SCN11A: variants seen among roughly 807,000 people sequenced by gnomAD.
The protein encoded by SCN11A is sodium channel protein type 11 subunit alpha.
Under a neutral mutation model 162.2 loss-of-function variants are expected in SCN11A, and 122 were observed. That is an observed-to-expected ratio of 0.75 (90% confidence interval 0.65 to 0.87). SCN11A has a LOEUF of 0.87. Ranked by LOEUF, SCN11A falls within the 40% of genes least tolerant of loss-of-function variation. The pLI, the probability that SCN11A is intolerant of heterozygous loss-of-function variation, is 0.00. For missense variants in SCN11A, 2,015 were observed against 2,181.6 expected (o/e 0.92, Z 1.52); for synonymous variants, 758 against 751.5 (o/e 1.01, Z -0.14).
At chr3:39,026,827 C>A (rs2031600838) in intron 2 of SCN11A, among the ~76,000 whole-genome samples, 1 of 152,070 alleles carries the variant, frequency 6.6e-6, no homozygotes, top group African/African-American at 2.4e-5. Flanking sequence ...TGGTCAGATA[C>A]CAAGGGTGGG....
At chr3:38,974,702 A>G (rs2066837800) in intron 2 of SCN11A, among the ~76,000 whole-genome samples, 1 of 149,890 alleles carries the variant, frequency 6.7e-6, no homozygotes, top group South Asian at 2.1e-4. Context: ...CTCAAAAAAA[A>G]AAAAAAAAAA....
chr3:38,937,677 C>T (rs1406247735), intron 7 of SCN11A, among the ~76,000 whole-genome samples: 1 of 152,022 alleles, frequency 6.6e-6, no homozygotes, highest in Non-Finnish European at 1.5e-5. Context: ...AATGAGATAC[C>T]ATCTCACACC....
At chr3:38,896,809 T>C in intron 18 of SCN11A, 36 bp downstream of exon 18, 1 of 881,834 alleles carries the variant, frequency 1.1e-6, no homozygotes, top group Non-Finnish European at 1.4e-6. Context: ...ATGTAGGATC[T>C]TTTTTTTTTT....
rs1028466347 is a variant in SCN11A at position 39,007,762 on chromosome 3, AAAC to A, written c.-280+24615_-280+24617del. Reference sequence around the variant, plus strand: ...GCCATTAGTTTGTATTCTTTATAATAAACAAGTAAGTGTAGGTAAAGTGTTTTC... The same window carrying A: ...GCCATTAGTTTGTATTCTTTATAATAAAGTAAGTGTAGGTAAAGTGTTTTC... On this transcript the variant is annotated intron_variant, in intron 2 of 29. Transcript: ENST00000302328. Among the ~76,000 whole-genome samples the A allele has an allele frequency of 3.7e-4, 57 of 152,344 alleles. 1 individual carries two copies. The highest frequency in any genetic ancestry group is 1.3e-3 in the African/African-American group (56 of 41,568).
chr3:38,867,562 A>G, intron 26 of SCN11A, 104 bp from the exon 27 acceptor site: 1 of 800,710 alleles, frequency 1.2e-6, no homozygotes, highest in Non-Finnish European at 2.0e-6. Flanking sequence ...TAGCAGCAAC[A>G]TTGACTACAT....
intron 2 of SCN11A, among the ~76,000 whole-genome samples, chr3:39,016,652 G>C (rs916211621): frequency 2.0e-5 from 3 of 151,966 alleles, no homozygotes; most frequent in Non-Finnish European, 2.9e-5. Flanking sequence ...CGCCAGGCTG[G>C]AGTGCAGTGG....
intron 1 of SCN11A, among the ~76,000 whole-genome samples, chr3:39,038,943 T>C (rs1285983545): frequency 1.3e-5 from 2 of 152,234 alleles, no homozygotes; most frequent in Admixed American, 6.5e-5. Flanking sequence ...AGCGATTCCA[T>C]GTTCCTTTTA....
At chr3:38,860,199 C>T (rs1346843537) in intron 28 of SCN11A, among the ~76,000 whole-genome samples, 1 of 152,126 alleles carries the variant, frequency 6.6e-6, no homozygotes, top group East Asian at 1.9e-4. Flanking sequence ...CCTCTGATCC[C>T]TGAATGCTCG....
chr3:39,032,526 A>C (rs944078770), intron 1 of SCN11A, among the ~76,000 whole-genome samples, 23 bp from the exon 2 acceptor site: 14 of 152,124 alleles, frequency 9.2e-5, no homozygotes, highest in Admixed American at 1.3e-4. Context: ...ACAACAACAA[A>C]AAAAACAAGC....
intron 2 of SCN11A, among the ~76,000 whole-genome samples, chr3:39,027,715 G>T (rs1175613201): frequency 6.6e-6 from 1 of 152,208 alleles, no homozygotes; most frequent in African/African-American, 2.4e-5. Flanking sequence ...TTGAAGCAAG[G>T]ATTTGAGAAG....
intron 2 of SCN11A, among the ~76,000 whole-genome samples, chr3:39,012,164 A>G (rs1010958431): frequency 2.6e-5 from 4 of 152,006 alleles, no homozygotes; most frequent in African/African-American, 9.7e-5. Context: ...CTTCTCTACT[A>G]AAAATACAAA....
chr3:38,955,371 C>T (rs2066668934), intron 3 of SCN11A, among the ~76,000 whole-genome samples: 1 of 152,166 alleles, frequency 6.6e-6, no homozygotes, highest in Admixed American at 6.5e-5. Context: ...TCAAATAAAT[C>T]TGACAAAATA....
intron 7 of SCN11A, among the ~76,000 whole-genome samples, chr3:38,929,247 T>C (rs1007063080): frequency 1.8e-4 from 28 of 151,714 alleles, no homozygotes; most frequent in Non-Finnish European, 3.5e-4. Context: ...ATACATGTGA[T>C]GGAATATTAA....
Position 38,885,402 on chromosome 3 carries a change from T to G in SCN11A, c.2950A>C (p.Lys984Gln). 5 of 1,563,332 alleles carry G rather than the reference T, an allele frequency of 3.2e-6. No homozygotes were observed. Among genetic ancestry groups the G allele is most frequent in the Non-Finnish European group, 3.5e-6 (4 of 1,133,932 alleles). Residue 984 changes from lysine to glutamine, a missense_variant and splice_region_variant, in exon 21 of 30, where the codon AAG becomes CAG. Lys to Gln is a moderately conservative substitution (Grantham distance 53). Coordinates refer to ENST00000302328, the MANE Select transcript of SCN11A (RefSeq NM_001349253.2). ...GATAGTATACTGGTAACATCAGACT[T>G]CTGCACATCAGAACAAAACGAAGGG... ...PHLTIQDPRKKSDVTSILSEC... is the reference protein window; with the variant it reads ...PHLTIQDPRKQSDVTSILSEC...
Position 39,025,681 on chromosome 3 carries a change from C to T in SCN11A, c.-280+6699G>A, listed in dbSNP as rs190699363. Among the ~76,000 whole-genome samples the T allele has an allele frequency of 3.9e-3, 597 of 152,252 alleles. 5 individuals carry two copies. Among genetic ancestry groups the T allele is most frequent in the Non-Finnish European group, 6.5e-3 (443 of 68,022 alleles). On this transcript the variant is annotated intron_variant, in intron 2 of 29. Coordinates refer to ENST00000302328, the MANE Select transcript of SCN11A (RefSeq NM_001349253.2). ...GAGGACAACCAGAGGTCACTTTCATCGCCTCCTTAGTTTTGGTGGGTTTTG... is the reference window on the plus strand; with the variant it reads ...GAGGACAACCAGAGGTCACTTTCATTGCCTCCTTAGTTTTGGTGGGTTTTG...
At chr3:39,036,233 T>G (rs950945803) in intron 1 of SCN11A, among the ~76,000 whole-genome samples, 1 of 152,106 alleles carries the variant, frequency 6.6e-6, no homozygotes, top group African/African-American at 2.4e-5. Flanking sequence ...AACCTCCGCC[T>G]CCCAGGTTCA....
Position 38,886,124 on chromosome 3 carries a change from C to T in SCN11A, c.2949+1G>A, listed in dbSNP as rs756365097. ...CTCTGACAACATCCTAGGAAAATTA[C>T]CTTTCGGGGATCCTGTATGGTCAGA... On this transcript the variant is annotated splice_donor_variant, in intron 20 of 29. Coordinates refer to ENST00000302328, the MANE Select transcript of SCN11A (RefSeq NM_001349253.2). LOFTEE classifies it high-confidence loss of function. 1 of 1,600,128 alleles carries T rather than the reference C, an allele frequency of 6.2e-7. No homozygotes were observed. Among genetic ancestry groups the T allele is most frequent in the South Asian group, 1.1e-5 (1 of 90,568 alleles).
At chr3:38,857,236 A>C (rs1423501447) in intron 28 of SCN11A, among the ~76,000 whole-genome samples, 1 of 152,248 alleles carries the variant, frequency 6.6e-6, no homozygotes, top group East Asian at 1.9e-4. Context: ...GTGAAAACCC[A>C]CTTAAAGAAA....
chr3:38,872,138 T>A, intron 24 of SCN11A, 55 bp downstream of exon 24: 1 of 1,056,360 alleles, frequency 9.5e-7, no homozygotes, highest in Non-Finnish European at 1.5e-6. Context: ...GAACTGTTGG[T>A]CTTTCCACCT....
Sources: allele counts gnomAD v4.1 joint callset (sites outside exome capture counted in the v4.1 genomes callset), GRCh38; gene constraint gnomAD v4.1.1; transcripts MANE v1.5; gene names NCBI Gene and HGNC (gene_info 2026-07-23, HGNC 2026-07-21).